The following RPL36AL variants were observed in gnomAD, a reference collection of about 807,000 sequenced individuals.
RPL36AL encodes ribosomal protein L36a like.
In RPL36AL, 8 loss-of-function variants were observed where a neutral mutation model predicts 7.9. That is an observed-to-expected ratio of 1.02 (90% confidence interval 0.60 to 1.84). The LOEUF (loss-of-function observed/expected upper bound fraction) is 1.84. Ranked by LOEUF, RPL36AL falls within the 40% of genes most tolerant of loss-of-function variation. The probability of loss-of-function intolerance (pLI) is 0.00; values close to 1 mark genes in which losing one functional copy is unlikely to be tolerated. For synonymous variants in RPL36AL, 44 were observed against 44.8 expected, an observed-to-expected ratio of 0.98 and a Z score of 0.07; for missense variants, 76 against 126.8, an observed-to-expected ratio of 0.60 and a Z score of 1.93.
chr14:49,619,953 G>T (rs1054782715), intron 1 of RPL36AL, among the ~76,000 whole-genome samples: 2 of 152,102 alleles, frequency 1.3e-5, no homozygotes, highest in African/African-American at 4.8e-5. Flanking sequence ...CTGTCTCTCT[G>T]GGCCCGGCAA....
intron 1 of RPL36AL, 51 bp from the exon 2 acceptor site, chr14:49,619,191 G>T: frequency 8.1e-7 from 1 of 1,227,154 alleles, no homozygotes; most frequent in Non-Finnish European, 1.1e-6. Flanking sequence ...ATTCCGAAAA[G>T]TGAAAGTGCT....
At position 49,619,095 on chromosome 14, in the gene RPL36AL, C is replaced by T. The variant is rs1420701232; in HGVS notation, c.10G>A (p.Val4Ile). The change falls in exon 2 of 2, where the codon GTA becomes ATA. Residue 4 changes from valine (V) to isoleucine (I), a missense_variant. Val to Ile is a conservative substitution (Grantham distance 29). Coordinates refer to ENST00000298289, the MANE Select transcript of RPL36AL (RefSeq NM_001001.5). MVNVPKTRRTFCKK... is the reference protein window; with the variant it reads MVNIPKTRRTFCKK... ...CAGAAGGTTCTTCGGGTTTTAGGTACGTTGACCATCTTTGCAGCAGGGCTG... is the reference window on the plus strand; with the variant it reads ...CAGAAGGTTCTTCGGGTTTTAGGTATGTTGACCATCTTTGCAGCAGGGCTG... 11 of 1,606,956 alleles carry T rather than the reference C, an allele frequency of 6.8e-6. No homozygotes were observed. Among genetic ancestry groups the T allele is most frequent in the East Asian group, 2.2e-5 (1 of 44,778 alleles).
In RPL36AL at chr14:49,618,763, TGAA is replaced by T. The variant is rs905510383; in HGVS notation, c.*18_*20del. 6.3e-6 allele frequency: 10 copies of T among 1,588,354 alleles called. No individual in the cohort carries two copies. Among genetic ancestry groups the T allele is most frequent in the African/African-American group, 1.4e-5 (1 of 74,046 alleles). ...GGCTTCACCATTTTCTCTTCAAAATTGAAGAAAAATATCCCAAAGTTTAGAACT... is the reference window on the plus strand; with the variant it reads ...GGCTTCACCATTTTCTCTTCAAAATTGAAAAATATCCCAAAGTTTAGAACT... On this transcript the variant is annotated 3_prime_UTR_variant, in exon 2 of 2. Coordinates refer to ENST00000298289, the MANE Select transcript of RPL36AL (RefSeq NM_001001.5).
chr14:49,620,082 G>A (rs750343918), intron 1 of RPL36AL, among the ~76,000 whole-genome samples: 6 of 152,128 alleles, frequency 3.9e-5, no homozygotes, highest in Non-Finnish European at 7.3e-5. Flanking sequence ...TCCGTTTTCC[G>A]TACGAAATGA....
At position 49,620,588 on chromosome 14, in the gene RPL36AL, C is replaced by CTTCGCAGCTCTCGCCT. The variant is rs886228874; in HGVS notation, c.-79_-64dup. On this transcript the variant is annotated 5_prime_UTR_variant, in exon 1 of 2. Coordinates refer to ENST00000298289, the MANE Select transcript of RPL36AL (RefSeq NM_001001.5). ...GAGAAACAGCGCCCGACACCTGGCC[C>CTTCGCAGCTCTCGCCT]TTCGCAGCTCTCGCCTTTCGCAGCT... 4.3e-4 allele frequency: 88 copies of CTTCGCAGCTCTCGCCT among 204,474 alleles called. No homozygotes were observed. The highest frequency in any genetic ancestry group is 2.7e-3 in the East Asian group (21 of 7,836). 12.7% of individuals were successfully genotyped at this position (204,474 alleles called of 1,614,324 possible).
intron 1 of RPL36AL, among the ~76,000 whole-genome samples, chr14:49,619,947 C>G (rs1006059396): frequency 6.6e-6 from 1 of 152,126 alleles, no homozygotes; most frequent in Non-Finnish European, 1.5e-5. Context: ...ATACTGCTGT[C>G]TCTCTGGGCC....
rs528339856 is a variant in RPL36AL at position 49,619,033 on chromosome 14, T to C, written c.72A>G (p.Thr24=). 1 of 1,613,986 alleles carries C rather than the reference T, an allele frequency of 6.2e-7. No homozygotes were observed. Among genetic ancestry groups the C allele is most frequent in the Non-Finnish European group, 8.5e-7 (1 of 1,179,864 alleles). ...AAGAATCCTTGCCCTTCTTATACTGTGTCACTTTGTGAGGCTGATGCTTGC... is the reference window on the plus strand; with the variant it reads ...AAGAATCCTTGCCCTTCTTATACTGCGTCACTTTGTGAGGCTGATGCTTGC... The part of the protein sequence containing the change: ...KCGKHQPHKV[T]QYKKGKDSLY... The change falls in exon 2 of 2, where the codon ACA becomes ACG. Residue 24 remains threonine (T), a synonymous_variant. Coordinates refer to ENST00000298289, the MANE Select transcript of RPL36AL (RefSeq NM_001001.5).
Position 49,618,938 on chromosome 14 carries a change from A to G in RPL36AL, c.167T>C (p.Phe56Ser). The G allele has an allele frequency of 6.2e-7, 1 of 1,613,696 alleles. No homozygotes were observed. The change falls in exon 2 of 2, where the codon TTC (phenylalanine) becomes TCC (serine). Residue 56 changes from phenylalanine to serine, a missense_variant. Coordinates refer to ENST00000298289, the MANE Select transcript of RPL36AL (RefSeq NM_001001.5). The stretch of plus-strand genomic sequence containing the variant: ...CTTTGTGGTCTTAGCCTTCTTCCGG[A>G]AAATTGGCTTTGTCTGCCCACCATA... ...SGYGGQTKPI[F>S]RKKAKTTKKI...
chr14:49,620,332 C>T (rs1483867184), intron 1 of RPL36AL, among the ~76,000 whole-genome samples: 2 of 152,250 alleles, frequency 1.3e-5, no homozygotes, highest in Non-Finnish European at 2.9e-5. Context: ...AGCACAGTCA[C>T]CCGTCAGCAG....
intron 1 of RPL36AL, among the ~76,000 whole-genome samples, chr14:49,620,312 TC>T (rs952987018): frequency 4.6e-5 from 7 of 152,198 alleles, no homozygotes; most frequent in African/African-American, 1.7e-4. Flanking sequence ...GTATCACTTT[TC>T]CCCTCCGAAG....
At chr14:49,620,065 A>G (rs1882788224) in intron 1 of RPL36AL, among the ~76,000 whole-genome samples, 1 of 152,202 alleles carries the variant, frequency 6.6e-6, no homozygotes, top group African/African-American at 2.4e-5. Context: ...TAGGAGGCCC[A>G]ATACAGTCCG....
In RPL36AL at chr14:49,618,895, C is replaced by T; in HGVS notation, c.210G>A (p.Leu70=). The part of the protein sequence containing the change: ...AKTTKKIVLR[L]ECVEPNCRSK... ...ATCTGCAGTTAGGCTCAACACATTC[C>T]AGCCTTAGCACAATCTTCTTTGTGG... Residue 70 remains leucine (L), a synonymous_variant, in exon 2 of 2, where the codon CTG becomes CTA. Transcript: ENST00000298289. The T allele has an allele frequency of 1.2e-6, 2 of 1,612,836 alleles. No individual in the cohort carries two copies. The highest frequency in any genetic ancestry group is 1.7e-6 in the Non-Finnish European group (2 of 1,179,856).
rs139622801 is a variant in RPL36AL at position 49,620,617 on chromosome 14, G to T, written c.-92C>A. On this transcript the variant is annotated 5_prime_UTR_variant, in exon 1 of 2. Coordinates refer to ENST00000298289, the MANE Select transcript of RPL36AL (RefSeq NM_001001.5). ...GCAGCTCTCGCCTTTCGCAGCTCTC[G>T]CCTAACAGGAAAGGGAAGAAACAGG... 6.4e-3 allele frequency: 1,567 copies of T among 245,908 alleles called. 21 individuals carry two copies. Among genetic ancestry groups the T allele is most frequent in the African/African-American group, 0.033 (1,464 of 44,542 alleles). The allele number at this position is 245,908 out of a possible 1,614,324, so 15.2% of individuals were successfully genotyped here.
At chr14:49,619,938 T>G (rs1456829627) in intron 1 of RPL36AL, among the ~76,000 whole-genome samples, 1 of 152,114 alleles carries the variant, frequency 6.6e-6, no homozygotes, top group Non-Finnish European at 1.5e-5. Flanking sequence ...TGAAGTCCCA[T>G]ACTGCTGTCT....
In RPL36AL at chr14:49,618,861, T is replaced by A; in HGVS notation, c.244A>T (p.Met82Leu). Reference protein sequence around the residue: ...CVEPNCRSKRMLAIKRCKHFE... With the variant: ...CVEPNCRSKRLLAIKRCKHFE... ...TGCTTGCATCTCTTAATGGCCAGCA[T>A]CCTCTTGGATCTGCAGTTAGGCTCA... The change falls in exon 2 of 2, where the codon ATG becomes TTG. Residue 82 changes from methionine (M) to leucine (L), a missense_variant. Physicochemically the swap from Met to Leu is conservative, Grantham distance 15. Transcript: ENST00000298289. The A allele has an allele frequency of 6.2e-7, 1 of 1,612,470 alleles. No individual in the cohort carries two copies.
At chr14:49,619,423 G>A (rs190350649) in intron 1 of RPL36AL, among the ~76,000 whole-genome samples, 2 of 152,266 alleles carry the variant, frequency 1.3e-5, no homozygotes, top group African/African-American at 4.8e-5. Flanking sequence ...CGAGAAGGGC[G>A]GATCACCTGA....
rs1360402007 is a variant in RPL36AL at position 49,618,900 on chromosome 14, T to C, written c.205A>G (p.Arg69Gly). 2 of 1,613,014 alleles carry C rather than the reference T, an allele frequency of 1.2e-6. No individual in the cohort carries two copies. The highest frequency in any genetic ancestry group is 2.2e-5 in the South Asian group (2 of 91,032). ...KAKTTKKIVL[R>G]LECVEPNCRS... is the part of the protein sequence containing the mutation. ...CAGTTAGGCTCAACACATTCCAGCC[T>C]TAGCACAATCTTCTTTGTGGTCTTA... The change falls in exon 2 of 2, where the codon AGG (arginine) becomes GGG (glycine). Residue 69 changes from arginine to glycine, a missense_variant. Physicochemically the swap from Arg to Gly is moderately radical, Grantham distance 125 (BLOSUM62 -2). Transcript: ENST00000298289.
rs909355944 is a variant in RPL36AL at position 49,620,593 on chromosome 14, C to G, written c.-68G>C. ...ACAGCGCCCGACACCTGGCCCTTCG[C>G]AGCTCTCGCCTTTCGCAGCTCTCGC... is the stretch of plus-strand genomic sequence containing the variant. On this transcript the variant is annotated 5_prime_UTR_variant, in exon 1 of 2. Coordinates refer to ENST00000298289, the MANE Select transcript of RPL36AL (RefSeq NM_001001.5). 2.4e-5 allele frequency: 5 copies of G among 207,344 alleles called. No homozygotes were observed. In the East Asian group the frequency reaches 6.3e-4, roughly 26 times the overall value. 12.8% of individuals were successfully genotyped at this position (207,344 alleles called of 1,614,324 possible).
rs1882755196 is a variant in RPL36AL, at chr14:49,619,158, AAAT to A, written c.-36-21_-36-19del. 21 of 1,489,042 alleles carry A rather than the reference AAAT, an allele frequency of 1.4e-5. No homozygotes were observed. Among genetic ancestry groups the A allele is most frequent in the Non-Finnish European group, 1.9e-5 (21 of 1,101,132 alleles). 92.2% of individuals were successfully genotyped at this position (1,489,042 alleles called of 1,614,324 possible). ...GATGAAAACTGTAGTAAAATATTTA[AAAT>A]AAGATAGCAGACGTTAAACATTCCG... On this transcript the variant is annotated intron_variant, in intron 1 of 1. Transcript: ENST00000298289.
Sources: allele counts gnomAD v4.1 joint callset (sites outside exome capture counted in the v4.1 genomes callset), GRCh38; gene constraint gnomAD v4.1.1; transcripts MANE v1.5; gene names NCBI Gene and HGNC (gene_info 2026-07-23, HGNC 2026-07-21).